Variants in SLC17A1 observed in about 807,000 individuals in gnomAD.
SLC17A1 encodes the protein sodium-dependent phosphate transport protein 1.
A neutral mutation model predicts 53.5 loss-of-function variants in SLC17A1; 51 were observed. That is an observed-to-expected ratio of 0.95 (90% confidence interval 0.76 to 1.20). The LOEUF (loss-of-function observed/expected upper bound fraction) is 1.20, where lower values mean the gene tolerates loss of function less well. SLC17A1 is among the 50% of genes most tolerant of loss of function. The probability of loss-of-function intolerance (pLI) is 0.00; values close to 1 mark genes in which losing one functional copy is unlikely to be tolerated. For synonymous variants in SLC17A1, 179 were observed against 198.8 expected, an observed-to-expected ratio of 0.90 and a Z score of 0.84; for missense variants, 538 against 568.2, an observed-to-expected ratio of 0.95 and a Z score of 0.54.
chr6:25,755,048 T>TACACACACACACACAC, the SLC17A1 span, among the ~76,000 whole-genome samples: 5 of 144,946 alleles, frequency 3.4e-5, no homozygotes, highest in African/African-American at 1.3e-4. Flanking sequence ...CACACACACA[T>TACACACACACACACAC]ACACACACAC....
intron 10 of SLC17A1, among the ~76,000 whole-genome samples, chr6:25,804,780 G>A (rs904942044): frequency 7.2e-5 from 11 of 152,038 alleles, no homozygotes; most frequent in Admixed American, 2.6e-4. Context: ...AGTAAAAAAA[G>A]ACAAAGGAGG....
the SLC17A1 span, chr6:25,727,049 A>G: frequency 5.0e-6 from 8 of 1,614,254 alleles, no homozygotes; most frequent in East Asian, 4.5e-5. Context: ...ACAAAGTGCT[A>G]AAGCAGGTCC....
chr6:25,734,387 T>A, the SLC17A1 span, among the ~76,000 whole-genome samples: 1 of 152,104 alleles, frequency 6.6e-6, no homozygotes, highest in African/African-American at 2.4e-5. Flanking sequence ...AGGATTAAGA[T>A]GAATGGGGAA....
At chr6:25,815,726 T>C (rs144039076) in intron 6 of SLC17A1, among the ~76,000 whole-genome samples, 224 of 152,228 alleles carry the variant, frequency 1.5e-3, no homozygotes, top group African/African-American at 5.2e-3. Context: ...ACTTCCACTC[T>C]CCAGGAGTGG....
the SLC17A1 span, among the ~76,000 whole-genome samples, chr6:25,745,307 C>T: frequency 6.6e-6 from 1 of 151,946 alleles, no homozygotes; most frequent in Non-Finnish European, 1.5e-5. Flanking sequence ...CAAGTGGTAC[C>T]ATGGATTTTA....
chr6:25,831,959 T>C (rs926790410), intron 1 of SLC17A1, 35 bp downstream of exon 1: 10 of 152,212 alleles, frequency 6.6e-5, no homozygotes, highest in Non-Finnish European at 1.3e-4. Context: ...AATCAACTGA[T>C]TGCTCATTTC....
At chr6:25,803,479 T>C (rs1431806064) in intron 10 of SLC17A1, among the ~76,000 whole-genome samples, 1 of 152,156 alleles carries the variant, frequency 6.6e-6, no homozygotes, top group Non-Finnish European at 1.5e-5. Flanking sequence ...CAAGGTACAA[T>C]GTGAACAGTG....
chr6:25,781,533 T>C (rs372683828), downstream of SLC17A1, among the ~76,000 whole-genome samples: 6 of 152,158 alleles, frequency 3.9e-5, no homozygotes, highest in East Asian at 5.8e-4. Flanking sequence ...GGGTAACTTA[T>C]GAAGAAAAAG....
At chr6:25,812,789 G>T in intron 8 of SLC17A1, 42 bp downstream of exon 8, 1 of 1,462,470 alleles carries the variant, frequency 6.8e-7, no homozygotes, top group Non-Finnish European at 9.4e-7. Context: ...TGTACACAGA[G>T]TCTTTCGTGA....
chr6:25,773,317 T>A, the SLC17A1 span: 1 of 1,614,002 alleles, frequency 6.2e-7, no homozygotes, highest in Non-Finnish European at 8.5e-7. Context: ...TTTCCTCTCA[T>A]TTATGATGAT....
At chr6:25,761,920 A>G in the SLC17A1 span, 7 of 1,500,630 alleles carry the variant, frequency 4.7e-6, no homozygotes, top group Non-Finnish European at 6.5e-6. Flanking sequence ...TATTCTTTTT[A>G]TTTCAGTAAG....
the SLC17A1 span, chr6:25,732,671 C>T: frequency 1.5e-6 from 2 of 1,350,098 alleles, no homozygotes; most frequent in East Asian, 3.2e-5. Flanking sequence ...CCGCATCATC[C>T]CGCGCCACCT....
At chr6:25,769,577 A>G in the SLC17A1 span, among the ~76,000 whole-genome samples, 1 of 151,882 alleles carries the variant, frequency 6.6e-6, no homozygotes, top group East Asian at 1.9e-4. Context: ...AAAAAGAAAG[A>G]AAGAAAGAAA....
chr6:25,726,788 T>G, the SLC17A1 span: 1 of 1,285,446 alleles, frequency 7.8e-7, no homozygotes, highest in Non-Finnish European at 1.1e-6. Context: ...TTTGTTTACT[T>G]GGCGAGACTT....
chr6:25,750,914 G>T, the SLC17A1 span, among the ~76,000 whole-genome samples: 1 of 152,202 alleles, frequency 6.6e-6, no homozygotes, highest in South Asian at 2.1e-4. Context: ...ACTGGCCAGA[G>T]CATGGAGCCA....
chr6:25,774,858 G>GC, the SLC17A1 span, among the ~76,000 whole-genome samples: 3 of 152,240 alleles, frequency 2.0e-5, no homozygotes, highest in African/African-American at 7.2e-5. Context: ...AACCTTGACA[G>GC]CCTCGGCTTA....
At position 25,826,637 on chromosome 6, in the gene SLC17A1, C is replaced by A. The variant is rs778708048; in HGVS notation, c.35-4G>T. On this transcript the variant is annotated splice_region_variant and splice_polypyrimidine_tract_variant and intron_variant, in intron 2 of 12. Coordinates refer to ENST00000244527, the MANE Select transcript of SLC17A1 (RefSeq NM_005074.5). ...CGAAAGGAACAGAAACCTGGAACTA[C>A]AAAGTAAAACAGAAAGTCGCAATTG... is the stretch of plus-strand genomic sequence containing the variant. 1.3e-6 allele frequency: 2 copies of A among 1,549,098 alleles called. No homozygotes were observed. The highest frequency in any genetic ancestry group is 1.4e-5 in the African/African-American group (1 of 72,350).
intron 3 of SLC17A1, among the ~76,000 whole-genome samples, chr6:25,821,916 C>G (rs1210947245): frequency 6.6e-6 from 1 of 151,922 alleles, no homozygotes; most frequent in African/African-American, 2.4e-5. Context: ...GAAAATGTAT[C>G]CAGGTATCAA....
chr6:25,828,191 C>T (rs770808079), intron 2 of SLC17A1, among the ~76,000 whole-genome samples: 6 of 152,040 alleles, frequency 3.9e-5, no homozygotes, highest in Non-Finnish European at 7.4e-5. Flanking sequence ...GTCATCGATC[C>T]ATAAAGGTTC....
Sources: allele counts gnomAD v4.1 joint callset (sites outside exome capture counted in the v4.1 genomes callset), GRCh38; gene constraint gnomAD v4.1.1; transcripts MANE v1.5; gene names NCBI Gene and HGNC (gene_info 2026-07-23, HGNC 2026-07-21).